MPP7: variants seen among roughly 807,000 people sequenced by gnomAD.
MPP7 encodes MAGUK p55 scaffold protein 7.
Under a neutral mutation model 76.5 loss-of-function variants are expected in MPP7, and 60 were observed. That is an observed-to-expected ratio of 0.78 (90% CI 0.64 to 0.97). The LOEUF is 0.97. Among genes scored for constraint, MPP7 ranks in the 50% least tolerant of loss-of-function variants. MPP7 has a pLI of 0.00. For missense variants in MPP7, 641 were observed against 694.0 expected, an observed-to-expected ratio of 0.92 and a Z score of 0.86; for synonymous variants, 237 against 244.5, an observed-to-expected ratio of 0.97 and a Z score of 0.29.
intron 5 of MPP7, among the ~76,000 whole-genome samples, chr10:28,132,420 ATATT>A (rs1398972817): frequency 6.6e-6 from 1 of 151,996 alleles, no homozygotes; most frequent in Non-Finnish European, 1.5e-5. Flanking sequence ...TAACCAATAT[ATATT>A]CTATTTTTTA....
chr10:28,275,551 C>A (rs897729997), intron 1 of MPP7, among the ~76,000 whole-genome samples: 3 of 151,980 alleles, frequency 2.0e-5, no homozygotes, highest in Non-Finnish European at 4.4e-5. Flanking sequence ...GGATTACAGG[C>A]ACGCACCACC....
intron 13 of MPP7, among the ~76,000 whole-genome samples, chr10:28,067,091 G>A (rs1478585565): frequency 1.3e-5 from 2 of 152,136 alleles, no homozygotes; most frequent in Non-Finnish European, 2.9e-5. Context: ...AAGGGTATGT[G>A]TTTGCTCAGC....
intron 1 of MPP7, among the ~76,000 whole-genome samples, chr10:28,244,129 T>C (rs983694481): frequency 1.3e-5 from 2 of 152,186 alleles, no homozygotes; most frequent in South Asian, 4.1e-4. Context: ...TGTGTTCCCA[T>C]AAAACTTGAT....
chr10:28,095,124 CCT>C (rs1161950586), intron 11 of MPP7, among the ~76,000 whole-genome samples: 16 of 150,084 alleles, frequency 1.1e-4, no homozygotes, highest in African/African-American at 3.7e-4. Context: ...TACTTACTCC[CCT>C]GATTCACAAA....
rs866340794 is a variant in MPP7, at chr10:28,051,062, T to C, written c.*3003A>G. 2 of 152,192 alleles carry C rather than the reference T, an allele frequency of 1.3e-5. No individual in the cohort carries two copies. Among genetic ancestry groups the C allele is most frequent in the Admixed American group, 1.3e-4 (2 of 15,276 alleles). The allele number at this position is 152,192 out of a possible 1,614,324, so 9.4% of individuals were successfully genotyped here. ...TCAATTACATCACTTCATATCACAG[T>C]AGAAAATATAATTTGTTCTACCATG... On this transcript the variant is annotated 3_prime_UTR_variant, in exon 17 of 17. Coordinates refer to ENST00000683449, the MANE Select transcript of MPP7 (RefSeq NM_001318170.2).
chr10:28,262,181 TAAATTATA>T (rs1411913983), intron 1 of MPP7, among the ~76,000 whole-genome samples: 1 of 86,470 alleles, frequency 1.2e-5, no homozygotes, highest in Non-Finnish European at 2.2e-5. Flanking sequence ...AATAAATAAA[TAAATTATA>T]TATATATATA....
At chr10:28,295,289 C>G (rs975678182) in intron 1 of MPP7, among the ~76,000 whole-genome samples, 5 of 152,152 alleles carry the variant, frequency 3.3e-5, no homozygotes, top group African/African-American at 1.2e-4. Flanking sequence ...TTCCTCACTG[C>G]TCAACTTCTT....
intron 3 of MPP7, among the ~76,000 whole-genome samples, chr10:28,156,615 G>T (rs777946300): frequency 6.6e-6 from 1 of 152,140 alleles, no homozygotes; most frequent in African/African-American, 2.4e-5. Flanking sequence ...CAGTAACTGT[G>T]ACCACCAGAT....
At chr10:28,305,135 C>T (rs929524034), upstream of MPP7, among the ~76,000 whole-genome samples, 15 of 152,112 alleles carry the variant, frequency 9.9e-5, no homozygotes, top group African/African-American at 3.1e-4. Context: ...TAAGAAAACA[C>T]CAACTTAGCA....
At chr10:28,071,907 G>A (rs930637398) in intron 12 of MPP7, among the ~76,000 whole-genome samples, 13 of 152,110 alleles carry the variant, frequency 8.5e-5, no homozygotes, top group African/African-American at 3.1e-4. Context: ...AGGAAAGAAG[G>A]AAACAACTAA....
chr10:28,171,699 C>T (rs1383534340), intron 3 of MPP7, among the ~76,000 whole-genome samples: 1 of 152,152 alleles, frequency 6.6e-6, no homozygotes, highest in African/African-American at 2.4e-5. Flanking sequence ...TTGCAGAATC[C>T]TCAGATAAAC....
intron 3 of MPP7, among the ~76,000 whole-genome samples, chr10:28,186,633 C>T (rs947808386): frequency 2.0e-5 from 3 of 152,212 alleles, no homozygotes; most frequent in African/African-American, 7.2e-5. Context: ...CACTGCCCAA[C>T]ACCTTTGTGG....
chr10:28,164,426 G>A (rs1350698367), intron 3 of MPP7, among the ~76,000 whole-genome samples: 1 of 151,986 alleles, frequency 6.6e-6, no homozygotes, highest in Admixed American at 6.6e-5. Flanking sequence ...GGCTTTTCTT[G>A]GTGAGAACTA....
At chr10:28,147,682 G>A (rs760063280) in intron 4 of MPP7, 119 bp from the exon 5 acceptor site, 176 of 843,566 alleles carry the variant, frequency 2.1e-4, no homozygotes, top group Non-Finnish European at 3.2e-4. Context: ...TTAAGGAGAG[G>A]TCAGCATAAA....
At chr10:28,141,841 C>T (rs1237357678) in intron 5 of MPP7, among the ~76,000 whole-genome samples, 1 of 151,810 alleles carries the variant, frequency 6.6e-6, no homozygotes, top group Middle Eastern at 3.2e-3. Flanking sequence ...AGGAATTTGG[C>T]CTTAGAAGGT....
chr10:28,189,736 A>G (rs1167001037), intron 3 of MPP7, among the ~76,000 whole-genome samples: 1 of 152,112 alleles, frequency 6.6e-6, no homozygotes, highest in Non-Finnish European at 1.5e-5. Context: ...CAGAGAAGGA[A>G]GGAAAAGACA....
chr10:28,316,453 AAAAAAAAAAAAAAAAAAAACT>A (rs1460656245), intron 2 of MPP7, among the ~76,000 whole-genome samples: 1 of 146,186 alleles, frequency 6.8e-6, no homozygotes, highest in African/African-American at 2.6e-5. Context: ...AAAAAAAAAA[AAAAAAAAAAAAAAAAAAAACT>A]ATCTGAGAAA....
At chr10:28,201,736 T>C (rs1407538687) in intron 3 of MPP7, among the ~76,000 whole-genome samples, 1 of 152,194 alleles carries the variant, frequency 6.6e-6, no homozygotes, top group Non-Finnish European at 1.5e-5. Context: ...TCAGTTGACT[T>C]TGTTAAAGGA....
At chr10:28,264,926 T>C (rs950263719) in intron 1 of MPP7, among the ~76,000 whole-genome samples, 6 of 152,106 alleles carry the variant, frequency 3.9e-5, no homozygotes, top group African/African-American at 1.4e-4. Flanking sequence ...CATCTCCAAA[T>C]GCTGTTGATA....
Sources: gnomAD v4.1 joint callset for allele counts (sites outside exome capture counted in the v4.1 genomes callset) on GRCh38, gnomAD v4.1.1 for gene constraint, MANE v1.5 for transcripts, NCBI Gene and HGNC (gene_info 2026-07-23, HGNC 2026-07-21) for gene names.